ABCC8: variants seen among roughly 807,000 people sequenced by gnomAD.
ABCC8 encodes the protein ATP binding cassette subfamily C member 8, also known as ATP-binding cassette sub-family C member 8.
ABCC8 carries 137 observed loss-of-function variants against 188.0 expected under a neutral mutation model. The ratio of observed to expected loss-of-function variants is 0.73; its 90% confidence interval spans 0.63 to 0.84. The LOEUF (loss-of-function observed/expected upper bound fraction) is 0.84. ABCC8 is among the 40% of genes least tolerant of loss of function. The pLI is 0.00. For missense variants in ABCC8, 1,750 were observed against 2,072.7 expected (o/e 0.84, Z 3.02); for synonymous variants, 797 against 846.5 (o/e 0.94, Z 1.01).
chr11:17,471,149 C>T (rs1468347671), intron 2 of ABCC8, among the ~76,000 whole-genome samples: 1 of 152,244 alleles, frequency 6.6e-6, no homozygotes, highest in East Asian at 1.9e-4. Flanking sequence ...GCCCACCAGG[C>T]TACTTCTATC....
chr11:17,437,053 T>G (rs1236203099), intron 10 of ABCC8, among the ~76,000 whole-genome samples: 3 of 121,036 alleles, frequency 2.5e-5, no homozygotes, highest in Admixed American at 1.2e-4. Flanking sequence ...ATCGCGCCAC[T>G]GCACTCCAGC....
chr11:17,410,577 T>C lies in ABCC8; in HGVS notation c.2633A>G (p.Asp878Gly), dbSNP rs1156242276. ...MQAGILELLR[D>G]DKRTVVLVTH... ...CACTAAGACCACTGTCCTCTTGTCGTCCCGGAGCAGCTCAAGGATGCCGGC... is the reference window on the plus strand; with the variant it reads ...CACTAAGACCACTGTCCTCTTGTCGCCCCGGAGCAGCTCAAGGATGCCGGC... Residue 878 changes from aspartate to glycine, a missense_variant, in exon 22 of 39, where the codon GAC becomes GGC. Coordinates refer to ENST00000389817, the MANE Select transcript of ABCC8 (RefSeq NM_000352.6). The C allele has an allele frequency of 6.2e-7, 1 of 1,614,030 alleles. No individual in the cohort carries two copies. Among genetic ancestry groups the C allele is most frequent in the Non-Finnish European group, 8.5e-7 (1 of 1,180,000 alleles).
Position 17,450,308 on chromosome 11 carries a change from TTCTTTCTTTCTTTCTTTC to T in ABCC8, c.1177-1655_1177-1638del, listed in dbSNP as rs1564959244. Among the ~76,000 whole-genome samples, 224 of 135,282 alleles carry T rather than the reference TTCTTTCTTTCTTTCTTTC, an allele frequency of 1.7e-3. 1 individual carries two copies. Among genetic ancestry groups the T allele is most frequent in the African/African-American group, 5.2e-3 (166 of 31,714 alleles). 88.8% of individuals were successfully genotyped at this position (135,282 alleles called of 152,430 possible). A position where few individuals can be genotyped will look rare whatever the true frequency, so the allele number is the denominator to read the frequency against. The stretch of plus-strand genomic sequence containing the variant: ...TTTCTTTCTTTCTTTCTTTCTTTCT[TTCTTTCTTTCTTTCTTTC>T]TCTCTCTCTCTTTCCTTTCTTTCTT... On this transcript the variant is annotated intron_variant, in intron 7 of 38. Coordinates refer to ENST00000389817, the MANE Select transcript of ABCC8 (RefSeq NM_000352.6).
chr11:17,423,377 A>AAAAAAAAAAC, intron 16 of ABCC8, among the ~76,000 whole-genome samples: 1 of 151,214 alleles, frequency 6.6e-6, no homozygotes, highest in Non-Finnish European at 1.5e-5. Context: ...AAAAAAAAAA[A>AAAAAAAAAAC]AAGCAGGGGC....
intron 31 of ABCC8, 182 bp from the exon 32 acceptor site, chr11:17,397,495 A>G (rs981622029): frequency 7.0e-7 from 1 of 1,420,682 alleles, no homozygotes; most frequent in Non-Finnish European, 9.6e-7. Context: ...GTGGCTCCCC[A>G]ACCTCCACCT....
At position 17,398,228 on chromosome 11, in the gene ABCC8, T is replaced by C. The variant is rs1954045605; in HGVS notation, c.3753+111A>G. On this transcript the variant is annotated intron_variant, in intron 30 of 38. Transcript: ENST00000389817. Reference sequence around the variant, plus strand: ...GGCTGGGGGAAGCAGGAAGGCTTGGTGTCCACACGATCTGGTATCCTATCC... The same window carrying C: ...GGCTGGGGGAAGCAGGAAGGCTTGGCGTCCACACGATCTGGTATCCTATCC... The C allele has an allele frequency of 1.2e-5, 17 of 1,393,520 alleles. No individual in the cohort carries two copies. In the South Asian group the frequency reaches 2.1e-4, roughly 17 times the overall value. The allele number at this position is 1,393,520 out of a possible 1,614,324, so 86.3% of individuals were successfully genotyped here.
At chr11:17,413,301 T>C (rs1954904221) in intron 20 of ABCC8, 93 bp downstream of exon 20, 1 of 1,549,124 alleles carries the variant, frequency 6.5e-7, no homozygotes, top group South Asian at 1.1e-5. Context: ...ATGTCTCCTA[T>C]TTCCTAGTTA....
At chr11:17,400,865 C>T (rs1476455926) in intron 29 of ABCC8, among the ~76,000 whole-genome samples, 1 of 152,244 alleles carries the variant, frequency 6.6e-6, no homozygotes, top group Non-Finnish European at 1.5e-5. Context: ...AGCACGGTGC[C>T]TGGCATACAG....
At chr11:17,443,643 C>T (rs987403088) in intron 8 of ABCC8, among the ~76,000 whole-genome samples, 1 of 152,154 alleles carries the variant, frequency 6.6e-6, no homozygotes, top group Non-Finnish European at 1.5e-5. Context: ...TTTGTGACAG[C>T]ACCTTTTGTT....
chr11:17,465,590 G>T (rs1322622669), intron 3 of ABCC8: 1 of 152,232 alleles, frequency 6.6e-6, no homozygotes, highest in Non-Finnish European at 1.5e-5. Flanking sequence ...GATGAGAGAA[G>T]AGGGAAAAGG....
chr11:17,453,389 C>A (rs74901066), intron 6 of ABCC8, 106 bp from the exon 7 acceptor site: 1 of 1,489,132 alleles, frequency 6.7e-7, no homozygotes, highest in East Asian at 2.4e-5. Context: ...ATTACAAGAC[C>A]CTCTGGGCTT....
In ABCC8 at chr11:17,443,281, A is replaced by G. The variant is rs1437730071; in HGVS notation, c.1364T>C (p.Ile455Thr). ...TCCAATTAAGGCACTGACTCCGAGTATGTAGTAGAGGAGAATCACACCCAC... is the reference window on the plus strand; with the variant it reads ...TCCAATTAAGGCACTGACTCCGAGTGTGTAGTAGAGGAGAATCACACCCAC... ...IIVGVILLYY[I>T]LGVSALIGAA... The change falls in exon 9 of 39, where the codon ATA becomes ACA. Residue 455 changes from isoleucine to threonine, a missense_variant. Transcript: ENST00000389817. 5 of 1,614,108 alleles carry G rather than the reference A, an allele frequency of 3.1e-6. No homozygotes were observed. Among genetic ancestry groups the G allele is most frequent in the Non-Finnish European group, 3.4e-6 (4 of 1,180,012 alleles).
At position 17,397,743 on chromosome 11, in the gene ABCC8, A is replaced by T. The variant is rs1564879367; in HGVS notation, c.3808T>A (p.Ser1270Thr). 6.2e-7 allele frequency: 1 copy of T among 1,613,802 alleles called. No individual in the cohort carries two copies. The highest frequency in any genetic ancestry group is 2.2e-5 in the East Asian group (1 of 44,878). The stretch of plus-strand genomic sequence containing the variant: ...CCAGCAGAGAGCTCCCTGTGCAGGG[A>T]GTTGGAGATGGAGGTCACCGCTGCG... ...LIAAVTSISNSLHRELSAGLV... is the reference protein window; with the variant it reads ...LIAAVTSISNTLHRELSAGLV... The change falls in exon 31 of 39, where the codon TCC becomes ACC. Residue 1270 changes from serine (S) to threonine (T), a missense_variant. Physicochemically the swap from Ser to Thr is moderately conservative, Grantham distance 58. Coordinates refer to ENST00000389817, the MANE Select transcript of ABCC8 (RefSeq NM_000352.6).
chr11:17,457,989 T>G (rs1013247042), intron 6 of ABCC8, among the ~76,000 whole-genome samples: 1 of 152,178 alleles, frequency 6.6e-6, no homozygotes, highest in Non-Finnish European at 1.5e-5. Context: ...CGGTTCTCTC[T>G]GGATTAGAAT....
In ABCC8 at chr11:17,427,733, T is replaced by C. The variant is rs1955646567; in HGVS notation, c.2116+134A>G. The stretch of plus-strand genomic sequence containing the variant: ...CCTCTAGAATGTAGCCTTCCCCTTC[T>C]ATAATATACCCAGGGCATACACCAA... On this transcript the variant is annotated intron_variant, in intron 15 of 38. Transcript: ENST00000389817. This position sits in a 1 kb window ranked among gnomAD's most constrained non-coding sequence, Gnocchi z 5.0. 2 of 1,261,058 alleles carry C rather than the reference T, an allele frequency of 1.6e-6. No individual in the cohort carries two copies. The highest frequency in any genetic ancestry group is 2.2e-6 in the Non-Finnish European group (2 of 914,320). 78.1% of individuals were successfully genotyped at this position (1,261,058 alleles called of 1,614,324 possible).
chr11:17,436,552 C>CA (rs1956105133), intron 10 of ABCC8, among the ~76,000 whole-genome samples: 1 of 152,030 alleles, frequency 6.6e-6, no homozygotes, highest in Admixed American at 6.5e-5. Flanking sequence ...TAGAAAAAAA[C>CA]AAAAACAAAA....
intron 28 of ABCC8, among the ~76,000 whole-genome samples, chr11:17,403,738 G>C (rs535763700): frequency 5.3e-5 from 8 of 151,986 alleles, no homozygotes; most frequent in Non-Finnish European, 1.0e-4. Context: ...CCAACACAAA[G>C]GTTTCATGAA....
At position 17,404,571 on chromosome 11, in the gene ABCC8, G is replaced by A; in HGVS notation, c.3498C>T (p.Ala1166=). 1.2e-6 allele frequency: 2 copies of A among 1,614,052 alleles called. No homozygotes were observed. Among genetic ancestry groups the A allele is most frequent in the Non-Finnish European group, 1.7e-6 (2 of 1,180,014 alleles). ...ISYVTPVFLV[A]LLPLAIVCYF... ...AGCACACGATGGCCAGGGGCAAGAG[G>A]GCCACGAGGAACACAGGTGTGACAT... Residue 1166 remains alanine, a synonymous_variant, in exon 28 of 39, where the codon GCC becomes GCT. Coordinates refer to ENST00000389817, the MANE Select transcript of ABCC8 (RefSeq NM_000352.6). The surrounding 1 kb of genome is among the most constrained non-coding windows in gnomAD (Gnocchi z 4.7).
At chr11:17,396,299 G>C (rs1953924642) in intron 33 of ABCC8, 1 of 398,898 alleles carries the variant, frequency 2.5e-6, no homozygotes, top group Non-Finnish European at 4.8e-6. Context: ...GGATGTGTCT[G>C]TGTGCCCCGC....
Sources: allele counts gnomAD v4.1 joint callset (sites outside exome capture counted in the v4.1 genomes callset), GRCh38; gene constraint gnomAD v4.1.1; non-coding constraint Gnocchi (gnomAD v3.1); transcripts MANE v1.5; gene names NCBI Gene and HGNC (gene_info 2026-07-23, HGNC 2026-07-21).